STATH: variants seen among roughly 807,000 people sequenced by gnomAD.
The protein encoded by STATH is statherin.
Under a neutral mutation model 13.3 loss-of-function variants are expected in STATH, and 11 were observed. That is an observed-to-expected ratio of 0.83 (90% CI 0.52 to 1.37). STATH has a LOEUF of 1.37. Ranked by LOEUF, STATH falls within the 40% of genes most tolerant of loss-of-function variation. The pLI is 0.00. For missense variants in STATH, 78 were observed against 73.3 expected, an observed-to-expected ratio of 1.06 and a Z score of -0.24; for synonymous variants, 25 against 23.6, an observed-to-expected ratio of 1.06 and a Z score of -0.17.
At chr4:69,999,737 T>C (rs758498380) in intron 3 of STATH, 43 bp from the exon 4 acceptor site, 4 of 1,611,550 alleles carry the variant, frequency 2.5e-6, no homozygotes, top group Non-Finnish European at 8.5e-7. Flanking sequence ...TTGTCCTCCC[T>C]ACATTTGTAT....
At chr4:70,000,597 T>C (rs1724629049) in intron 4 of STATH, among the ~76,000 whole-genome samples, 1 of 151,708 alleles carries the variant, frequency 6.6e-6, no homozygotes, top group Non-Finnish European at 1.5e-5. Context: ...CTCTTTGGAG[T>C]GATAGCCTAT....
In STATH at chr4:69,996,576, A is replaced by G. The variant is rs185346711; in HGVS notation, c.-16+551A>G. Among the ~76,000 whole-genome samples the G allele has an allele frequency of 3.2e-4, 48 of 152,216 alleles. No homozygotes were observed. The East Asian group carries it at 9.1e-3, about 29-fold the overall frequency. Reference sequence around the variant, plus strand: ...CTTTACTGCCTTACTGTTTTATATTACTTAAGTTGTTTTCATTCAGTTGTG... The same window carrying G: ...CTTTACTGCCTTACTGTTTTATATTGCTTAAGTTGTTTTCATTCAGTTGTG... On this transcript the variant is annotated intron_variant, in intron 1 of 5. Transcript: ENST00000246895.
Position 69,998,207 on chromosome 4 carries a change from A to T in STATH, c.-15-216A>T, listed in dbSNP as rs140772164. 473 of 507,526 alleles carry T rather than the reference A, an allele frequency of 9.3e-4. 5 individuals are homozygous for T. Among genetic ancestry groups the T allele is most frequent in the African/African-American group, 8.0e-3 (420 of 52,342 alleles). 31.4% of individuals were successfully genotyped at this position (507,526 alleles called of 1,614,324 possible). ...TGTGTAAGGTGTTGATTTGTGTGTT[A>T]CTCTAATGCCTTAGCATTTCCATAT... is the stretch of plus-strand genomic sequence containing the variant. On this transcript the variant is annotated intron_variant, in intron 1 of 5. Coordinates refer to ENST00000246895, the MANE Select transcript of STATH (RefSeq NM_003154.3).
At chr4:70,001,994 T>G (rs1172850066) in intron 5 of STATH, among the ~76,000 whole-genome samples, 195 bp from the exon 6 acceptor site, 4 of 151,856 alleles carry the variant, frequency 2.6e-5, no homozygotes. Context: ...AGATGCTGAA[T>G]GATAATTTTT....
At chr4:69,997,520 ATG>A (rs1354149411) in intron 1 of STATH, among the ~76,000 whole-genome samples, 1 of 152,160 alleles carries the variant, frequency 6.6e-6, no homozygotes, top group Non-Finnish European at 1.5e-5. Flanking sequence ...TGTGGCAATT[ATG>A]TGTTTCACTG....
In STATH at chr4:69,996,694, T is replaced by C. The variant is rs138988692; in HGVS notation, c.-16+669T>C. Among the ~76,000 whole-genome samples the C allele has an allele frequency of 1.9e-3, 282 of 152,122 alleles. 4 individuals are homozygous for C. Among genetic ancestry groups the C allele is most frequent in the Non-Finnish European group, 8.4e-4 (57 of 67,970 alleles). On this transcript the variant is annotated intron_variant, in intron 1 of 5. Coordinates refer to ENST00000246895, the MANE Select transcript of STATH (RefSeq NM_003154.3). ...TAAAACCATGACATATATATTTATA[T>C]ATCTATGTCTATATATCCATCTTTC...
chr4:70,000,621 G>A (rs1342688353), intron 4 of STATH, among the ~76,000 whole-genome samples: 1 of 151,742 alleles, frequency 6.6e-6, no homozygotes, highest in Non-Finnish European at 1.5e-5. Context: ...CGGTGTTCCT[G>A]CATGTGAAAT....
chr4:69,997,423 G>T (rs1004393346), intron 1 of STATH, among the ~76,000 whole-genome samples: 3 of 152,006 alleles, frequency 2.0e-5, no homozygotes, highest in African/African-American at 7.2e-5. Flanking sequence ...TGGTAAAAGA[G>T]ATTAAAATAA....
At chr4:70,000,686 C>A in intron 4 of STATH, 177 bp from the exon 5 acceptor site, 2 of 575,470 alleles carry the variant, frequency 3.5e-6, no homozygotes, top group Non-Finnish European at 6.2e-6. Context: ...ATCATTTTTA[C>A]CTGCTTTTAA....
intron 2 of STATH, 79 bp from the exon 3 acceptor site, chr4:69,999,588 C>T (rs1724595656): frequency 7.1e-7 from 1 of 1,402,776 alleles, no homozygotes; most frequent in Non-Finnish European, 9.9e-7. Context: ...ACAACTGTAG[C>T]TGCTGAGTTC....
At chr4:69,996,633 A>G (rs1724510473) in intron 1 of STATH, among the ~76,000 whole-genome samples, 1 of 151,952 alleles carries the variant, frequency 6.6e-6, no homozygotes, top group Non-Finnish European at 1.5e-5. Context: ...TTACTATTTC[A>G]TATTTTTATT....
chr4:69,996,707 A>G (rs2109679292), intron 1 of STATH, among the ~76,000 whole-genome samples: 1 of 151,986 alleles, frequency 6.6e-6, no homozygotes, highest in South Asian at 2.1e-4. Flanking sequence ...CTATGTCTAT[A>G]TATCCATCTT....
Position 69,999,771 on chromosome 4 carries a change from T to G in STATH, c.73-9T>G, listed in dbSNP as rs780683918. 5 of 1,612,030 alleles carry G rather than the reference T, an allele frequency of 3.1e-6. No homozygotes were observed. The South Asian group carries it at 5.5e-5, about 18-fold the overall frequency. On this transcript the variant is annotated splice_polypyrimidine_tract_variant and intron_variant, in intron 3 of 5. Coordinates refer to ENST00000246895, the MANE Select transcript of STATH (RefSeq NM_003154.3). ...ATTGAATTATTAAACTTTTCTTCATTTTTCACAGAAATTTTTGCGTAGAAT... is the reference window on the plus strand; with the variant it reads ...ATTGAATTATTAAACTTTTCTTCATGTTTCACAGAAATTTTTGCGTAGAAT...
chr4:70,000,437 T>C (rs1278877595), intron 4 of STATH: 4 of 165,982 alleles, frequency 2.4e-5, no homozygotes, highest in African/African-American at 7.2e-5. Context: ...TATTAAGGAA[T>C]GTAGGAATCG....
At chr4:70,001,959 A>G (rs1488773401) in intron 5 of STATH, among the ~76,000 whole-genome samples, 2 of 151,828 alleles carry the variant, frequency 1.3e-5, no homozygotes, top group African/African-American at 2.4e-5. Context: ...AAATAGTATG[A>G]TGATTGAAAA....
chr4:69,996,262 T>C (rs1296658142), intron 1 of STATH, among the ~76,000 whole-genome samples: 1 of 152,146 alleles, frequency 6.6e-6, no homozygotes, highest in African/African-American at 2.4e-5. Context: ...TGGAGACATA[T>C]TCCAACTTCT....
At chr4:69,999,546 C>A in intron 2 of STATH, 121 bp from the exon 3 acceptor site, 1 of 891,722 alleles carries the variant, frequency 1.1e-6, no homozygotes, top group Non-Finnish European at 1.7e-6. Context: ...AATTTAGTGT[C>A]TATCGATGAT....
intron 4 of STATH, chr4:70,000,640 A>C (rs1450924617): frequency 2.2e-6 from 1 of 463,624 alleles, no homozygotes; most frequent in Non-Finnish European, 3.9e-6. Context: ...ATAAAACCAC[A>C]AAACTGTGAA....
chr4:70,001,026 G>GCTTT, intron 5 of STATH, 44 bp downstream of exon 5: 1 of 1,352,434 alleles, frequency 7.4e-7, no homozygotes, highest in Non-Finnish European at 1.1e-6. Flanking sequence ...CTGTATCAGT[G>GCTTT]CTGACAGTTA....
Sources: gnomAD v4.1 joint callset for allele counts (sites outside exome capture counted in the v4.1 genomes callset) on GRCh38, gnomAD v4.1.1 for gene constraint, MANE v1.5 for transcripts, NCBI Gene and HGNC (gene_info 2026-07-23, HGNC 2026-07-21) for gene names.